Variants in ARHGEF28 observed in about 807,000 individuals in gnomAD.
ARHGEF28 encodes the protein 190 kDa guanine nucleotide exchange factor.
In ARHGEF28, 152 loss-of-function variants were observed where a neutral mutation model predicts 206.6. The observed-to-expected ratio is 0.74, with a 90% CI of 0.64 to 0.84. The LOEUF (loss-of-function observed/expected upper bound fraction) is 0.84. Ranked by LOEUF, ARHGEF28 falls within the 40% of genes least tolerant of loss-of-function variation. The pLI is 0.00. For synonymous variants in ARHGEF28, 763 were observed against 776.4 expected (o/e 0.98, Z 0.29); for missense variants, 2,028 against 2,073.2 (o/e 0.98, Z 0.42).
Position 73,801,319 on chromosome 5 carries a change from C to T in ARHGEF28, c.1024+5928C>T, listed in dbSNP as rs1450607586. 5.3e-5 allele frequency among the ~76,000 whole-genome samples: 8 copies of T among 151,992 alleles called. No homozygotes were observed. The South Asian group carries it at 6.2e-4, about 12-fold the overall frequency. On this transcript the variant is annotated intron_variant, in intron 9 of 35. Coordinates refer to ENST00000513042, the MANE Select transcript of ARHGEF28 (RefSeq NM_001177693.2). ...AAAATTAGCCAGGCGTGGTGGTAGG[C>T]GCCTGTAATCCCAGCTACTTGGGAG... is the stretch of plus-strand genomic sequence containing the variant.
At chr5:73,644,944 A>G (rs1272614126) in intron 1 of ARHGEF28, among the ~76,000 whole-genome samples, 1 of 152,232 alleles carries the variant, frequency 6.6e-6, no homozygotes, top group Non-Finnish European at 1.5e-5. Flanking sequence ...TTCTCTGTAC[A>G]AGAAAGAGAT....
chr5:73,941,784 G>A lies in ARHGEF28; in HGVS notation c.*771G>A, dbSNP rs181816682. 1 of 152,082 alleles carries A rather than the reference G, an allele frequency of 6.6e-6. No homozygotes were observed. The highest frequency in any genetic ancestry group is 1.5e-5 in the Non-Finnish European group (1 of 68,050). The allele number at this position is 152,082 out of a possible 1,614,324, so 9.4% of individuals were successfully genotyped here. A position where few individuals can be genotyped will look rare whatever the true frequency, so the allele number is the denominator to read the frequency against. On this transcript the variant is annotated 3_prime_UTR_variant, in exon 36 of 36. Transcript: ENST00000513042. ...CTGGAGCACCAACTACCACTCCCTG[G>A]AAAGAACCCTTCCCTGCAGTTTTTT... is the stretch of plus-strand genomic sequence containing the variant.
At chr5:73,857,580 CACA>C in intron 14 of ARHGEF28, 73 bp from the exon 15 acceptor site, 1 of 1,415,242 alleles carries the variant, frequency 7.1e-7, no homozygotes, top group Non-Finnish European at 9.6e-7. Flanking sequence ...CACACACACA[CACA>C]CACATACACA....
chr5:73,934,805 C>T (rs759802592), intron 35 of ARHGEF28, among the ~76,000 whole-genome samples: 36 of 152,244 alleles, frequency 2.4e-4, no homozygotes, highest in Non-Finnish European at 4.1e-4. Flanking sequence ...TTGATTTACC[C>T]GGAATTTCAT....
At position 73,840,769 on chromosome 5, in the gene ARHGEF28, C is replaced by G. The variant is rs749860729; in HGVS notation, c.1427+9C>G. ...CATCTAAAGAAAAGAAGGTAAGAGTCTATATTGTAGAGGAAAACTGTAGAA... is the reference window on the plus strand; with the variant it reads ...CATCTAAAGAAAAGAAGGTAAGAGTGTATATTGTAGAGGAAAACTGTAGAA... On this transcript the variant is annotated intron_variant, in intron 11 of 35. Transcript: ENST00000513042. The G allele has an allele frequency of 1.2e-6, 2 of 1,600,614 alleles. No individual in the cohort carries two copies.
chr5:73,857,872 T>C (rs1010540013), intron 15 of ARHGEF28, 93 bp downstream of exon 15: 2 of 1,437,962 alleles, frequency 1.4e-6, no homozygotes, highest in East Asian at 4.8e-5. Flanking sequence ...TGAAATCACT[T>C]ACCTTAGATT....
chr5:73,642,332 T>G (rs928418655), intron 1 of ARHGEF28, among the ~76,000 whole-genome samples: 10 of 152,026 alleles, frequency 6.6e-5, no homozygotes, highest in African/African-American at 2.4e-4. Flanking sequence ...TAAAACAGGG[T>G]TTTGTTTTTG....
At chr5:73,858,264 G>A in intron 16 of ARHGEF28, 45 bp downstream of exon 16, 1 of 1,525,986 alleles carries the variant, frequency 6.6e-7, no homozygotes, top group Non-Finnish European at 8.8e-7. Context: ...TTCATCTCCT[G>A]ACAGTAACCT....
At chr5:73,691,933 G>C (rs988807436) in intron 2 of ARHGEF28, among the ~76,000 whole-genome samples, 3 of 152,142 alleles carry the variant, frequency 2.0e-5, no homozygotes, top group African/African-American at 7.2e-5. Context: ...CCTAGGAGTA[G>C]AATTGCTGGA....
chr5:73,681,461 G>A (rs1389621390), intron 1 of ARHGEF28, among the ~76,000 whole-genome samples: 1 of 152,072 alleles, frequency 6.6e-6, no homozygotes, highest in Non-Finnish European at 1.5e-5. Context: ...ATTCTTGTTA[G>A]TATTATCTTT....
At chr5:73,645,844 T>C (rs1744390948) in intron 1 of ARHGEF28, among the ~76,000 whole-genome samples, 1 of 152,062 alleles carries the variant, frequency 6.6e-6, no homozygotes, top group South Asian at 2.1e-4. Context: ...TTGATTAATT[T>C]CCCCTCCTTT....
intron 1 of ARHGEF28, among the ~76,000 whole-genome samples, chr5:73,647,216 T>A (rs1050303393): frequency 6.6e-6 from 1 of 152,190 alleles, no homozygotes; most frequent in African/African-American, 2.4e-5. Flanking sequence ...ATAAAATTAT[T>A]AAAAATATTG....
At chr5:73,829,764 ATTAAT>A (rs959187814) in intron 9 of ARHGEF28, among the ~76,000 whole-genome samples, 8 of 152,178 alleles carry the variant, frequency 5.3e-5, no homozygotes, top group African/African-American at 1.9e-4. Flanking sequence ...TATTTTTTAA[ATTAAT>A]TTTATTTAAA....
At chr5:73,642,351 A>G (rs1229285243) in intron 1 of ARHGEF28, among the ~76,000 whole-genome samples, 1 of 151,968 alleles carries the variant, frequency 6.6e-6, no homozygotes, top group African/African-American at 2.4e-5. Flanking sequence ...TGTTTTTTTA[A>G]CTTTCCCCCT....
In ARHGEF28 at chr5:73,909,447, C is replaced by A; in HGVS notation, c.4197C>A (p.Ile1399=). ...CCATTCAGGACAGCCACATTGAGAT[C>A]CACAGGCTGGTTCTCCAGCAGCAGG... ...ALTIQDSHIE[I]HRLVLQQQEG... is the part of the protein sequence containing the mutation. The change falls in exon 34 of 36, where the codon ATC becomes ATA. Residue 1399 remains isoleucine (I), a synonymous_variant. Transcript: ENST00000513042. 2 of 1,612,504 alleles carry A rather than the reference C, an allele frequency of 1.2e-6. No individual in the cohort carries two copies. Among genetic ancestry groups the A allele is most frequent in the Non-Finnish European group, 1.7e-6 (2 of 1,179,304 alleles).
intron 14 of ARHGEF28, among the ~76,000 whole-genome samples, chr5:73,853,571 A>G (rs1350366567): frequency 6.6e-6 from 1 of 152,210 alleles, no homozygotes; most frequent in African/African-American, 2.4e-5. Context: ...CCAGAATAGA[A>G]ACTTTCAAAT....
chr5:73,772,247 C>A (rs1753263691), intron 4 of ARHGEF28, among the ~76,000 whole-genome samples: 2 of 152,146 alleles, frequency 1.3e-5, no homozygotes, highest in African/African-American at 2.4e-5. Flanking sequence ...CCACAGCCTG[C>A]AGGTAGGACA....
chr5:73,744,031 A>G (rs1751584111), intron 2 of ARHGEF28, among the ~76,000 whole-genome samples: 1 of 152,140 alleles, frequency 6.6e-6, no homozygotes, highest in South Asian at 2.1e-4. Flanking sequence ...TTTAATAAAC[A>G]AGGTTCATAA....
At chr5:73,825,098 A>G (rs1756826044) in intron 9 of ARHGEF28, among the ~76,000 whole-genome samples, 1 of 152,200 alleles carries the variant, frequency 6.6e-6, no homozygotes, top group Non-Finnish European at 1.5e-5. Flanking sequence ...GGAGATGGTG[A>G]ACAAAACTGT....
Sources: gnomAD v4.1 joint callset for allele counts (sites outside exome capture counted in the v4.1 genomes callset) on GRCh38, gnomAD v4.1.1 for gene constraint, MANE v1.5 for transcripts, NCBI Gene and HGNC (gene_info 2026-07-23, HGNC 2026-07-21) for gene names.